The following MECOM variants were observed in gnomAD, a reference collection of about 807,000 sequenced individuals.
MECOM encodes histone-lysine N-methyltransferase MECOM.
A neutral mutation model predicts 116.3 loss-of-function variants in MECOM; 13 were observed. That is an observed-to-expected ratio of 0.11 (90% CI 0.07 to 0.18). The LOEUF (loss-of-function observed/expected upper bound fraction) is 0.18. MECOM is among the 10% of genes least tolerant of loss of function. The probability of loss-of-function intolerance (pLI) is 1.00; values close to 1 mark genes in which losing one functional copy is unlikely to be tolerated. For missense variants in MECOM, 1,299 were observed against 1,509.0 expected, an observed-to-expected ratio of 0.86 and a Z score of 2.31; for synonymous variants, 528 against 535.2, an observed-to-expected ratio of 0.99 and a Z score of 0.19.
intron 1 of MECOM, among the ~76,000 whole-genome samples, chr3:169,468,641 G>C (rs1296194834): frequency 6.6e-6 from 1 of 152,124 alleles, no homozygotes; most frequent in Admixed American, 6.5e-5. Context: ...AGTATCAAAT[G>C]ATATAACAAA....
intron 2 of MECOM, among the ~76,000 whole-genome samples, chr3:169,310,739 A>T (rs1718591825): frequency 6.6e-6 from 1 of 152,204 alleles, no homozygotes; most frequent in African/African-American, 2.4e-5. Flanking sequence ...CCACACACAC[A>T]TGCACACATG....
chr3:169,314,529 C>A (rs531024007), intron 2 of MECOM, among the ~76,000 whole-genome samples: 36 of 152,272 alleles, frequency 2.4e-4, no homozygotes, highest in Non-Finnish European at 4.0e-4. Context: ...CACTGATTTT[C>A]ATTGTCTTAG....
chr3:169,438,234 A>T (rs972919747), intron 1 of MECOM, among the ~76,000 whole-genome samples: 7 of 152,210 alleles, frequency 4.6e-5, no homozygotes, highest in Admixed American at 4.6e-4. Context: ...TTACAGGATA[A>T]CAATAAGAAC....
chr3:169,239,967 T>A (rs1250079832), intron 2 of MECOM, among the ~76,000 whole-genome samples: 1 of 152,222 alleles, frequency 6.6e-6, no homozygotes, highest in East Asian at 1.9e-4. Context: ...ATTTCCTGTC[T>A]TTAATTCTAA....
intron 1 of MECOM, among the ~76,000 whole-genome samples, chr3:169,583,706 G>A (rs968156237): frequency 2.6e-5 from 4 of 151,454 alleles, no homozygotes; most frequent in Admixed American, 6.6e-5. Flanking sequence ...CAGATTGGAT[G>A]CAAACAGAAC....
chr3:169,594,170 A>AATAAAAAAAAAAAACC, intron 1 of MECOM, among the ~76,000 whole-genome samples: 1 of 119,414 alleles, frequency 8.4e-6, no homozygotes, highest in Non-Finnish European at 1.7e-5. Context: ...AAAAAAAAAA[A>AATAAAAAAAAAAAACC]AAAAAACACC....
At chr3:169,335,079 AG>A (rs951605194) in intron 2 of MECOM, among the ~76,000 whole-genome samples, 9 of 152,122 alleles carry the variant, frequency 5.9e-5, no homozygotes, top group Non-Finnish European at 8.8e-5. Flanking sequence ...CATTTTTTTC[AG>A]GGGTTTGTCA....
intron 2 of MECOM, among the ~76,000 whole-genome samples, chr3:169,267,665 G>GCCTC (rs1490233954): frequency 1.3e-5 from 2 of 152,098 alleles, no homozygotes; most frequent in Non-Finnish European, 2.9e-5. Flanking sequence ...CTGGAAAAGG[G>GCCTC]CCTCCCTTCT....
At chr3:169,537,754 C>T (rs1759567958) in intron 1 of MECOM, among the ~76,000 whole-genome samples, 1 of 151,198 alleles carries the variant, frequency 6.6e-6, no homozygotes, top group South Asian at 2.1e-4. Flanking sequence ...GAATTCAAAT[C>T]CTATCACAAA....
chr3:169,101,285 G>A (rs1723466985), intron 11 of MECOM, among the ~76,000 whole-genome samples: 3 of 152,090 alleles, frequency 2.0e-5, no homozygotes, highest in South Asian at 4.1e-4. Context: ...AACCAGATAA[G>A]GGGATAAAAA....
intron 2 of MECOM, among the ~76,000 whole-genome samples, chr3:169,227,256 G>A (rs1480938853): frequency 6.6e-6 from 1 of 151,898 alleles, no homozygotes; most frequent in African/African-American, 2.4e-5. Context: ...CTGAGAAAAA[G>A]CAAAATAAAA....
chr3:169,392,430 T>C (rs933069425), intron 1 of MECOM, among the ~76,000 whole-genome samples: 12 of 152,172 alleles, frequency 7.9e-5, no homozygotes, highest in Non-Finnish European at 1.5e-4. Flanking sequence ...AATTCGATGA[T>C]TGAAGTGTTG....
At chr3:169,606,434 T>A (rs4955572) in intron 1 of MECOM, among the ~76,000 whole-genome samples, 113,727 of 150,774 alleles carry the variant, frequency 0.75, 43,024 homozygotes, top group East Asian at 0.88. Context: ...GAAAAAGAAA[T>A]GAAAGAAATT....
At chr3:169,439,471 A>G (rs1743249144) in intron 1 of MECOM, among the ~76,000 whole-genome samples, 1 of 152,000 alleles carries the variant, frequency 6.6e-6, no homozygotes, top group South Asian at 2.1e-4. Context: ...GGCCATAGAC[A>G]TAAACAGGAT....
At chr3:169,373,678 AGTT>A (rs1413628817) in intron 2 of MECOM, among the ~76,000 whole-genome samples, 1 of 152,132 alleles carries the variant, frequency 6.6e-6, no homozygotes, top group East Asian at 1.9e-4. Flanking sequence ...ATCATGAGGC[AGTT>A]ATTATTGACC....
intron 1 of MECOM, among the ~76,000 whole-genome samples, chr3:169,445,936 T>C (rs1479438011): frequency 6.6e-6 from 1 of 152,206 alleles, no homozygotes; most frequent in Non-Finnish European, 1.5e-5. Flanking sequence ...CCCTTTGTTT[T>C]GGCCAGTTTC....
intron 1 of MECOM, among the ~76,000 whole-genome samples, chr3:169,504,815 C>T (rs902463919): frequency 6.6e-6 from 1 of 152,090 alleles, no homozygotes; most frequent in Non-Finnish European, 1.5e-5. Context: ...TAAAGAAATC[C>T]CCCGCAAAGT....
At chr3:169,262,006 G>C (rs1056435504) in intron 2 of MECOM, among the ~76,000 whole-genome samples, 6 of 152,170 alleles carry the variant, frequency 3.9e-5, no homozygotes, top group Non-Finnish European at 8.8e-5. Context: ...TCCTTTACAA[G>C]TTCTGTAATT....
rs774899267 is a variant in MECOM at position 169,663,336 on chromosome 3, T to C, written c.37A>G (p.Asn13Asp). 1.2e-6 allele frequency: 2 copies of C among 1,609,656 alleles called. No individual in the cohort carries two copies. The highest frequency in any genetic ancestry group is 1.7e-6 in the Non-Finnish European group (2 of 1,178,010). ...AATAGAAAAGGGATATTGCACCTAC[T>C]TGTGGCCAGTTTCCTTGCCCTGCCT... ...SKGRARKLAT[N>D]NECVYGNYPE... Residue 13 changes from asparagine (N) to aspartate (D), a missense_variant and splice_region_variant, in exon 1 of 17, where the codon AAT becomes GAT. Around this residue, in one of 6 missense-constraint regions of MECOM, gnomAD observed 374 missense variants for 433.4 expected, o/e 0.86. Transcript: ENST00000651503.
Sources: allele counts gnomAD v4.1 joint callset (sites outside exome capture counted in the v4.1 genomes callset), GRCh38; gene constraint gnomAD v4.1.1; regional missense constraint gnomAD v4.1.1; transcripts MANE v1.5; gene names NCBI Gene and HGNC (gene_info 2026-07-23, HGNC 2026-07-21).